Variants in INTS2 observed in about 807,000 individuals in gnomAD.
The protein encoded by INTS2 is integrator complex subunit 2, also known as KIAA1287.
INTS2 carries 57 observed loss-of-function variants against 139.6 expected under a neutral mutation model. The observed-to-expected ratio is 0.41, with a 90% CI of 0.33 to 0.51. INTS2 has a LOEUF of 0.51. Among genes scored for constraint, INTS2 ranks in the 20% least tolerant of loss-of-function variants. The pLI, the probability that INTS2 is intolerant of heterozygous loss-of-function variation, is 0.28. For synonymous variants in INTS2, 473 were observed against 493.4 expected (o/e 0.96, Z 0.55); for missense variants, 1,196 against 1,436.7 (o/e 0.83, Z 2.71).
At position 61,869,317 on chromosome 17, in the gene INTS2, C is replaced by A; in HGVS notation, c.3094G>T (p.Asp1032Tyr). Residue 1032 changes from aspartate (D) to tyrosine (Y), a missense_variant, in exon 22 of 25, where the codon GAT becomes TAT. Asp to Tyr is a radical substitution (Grantham distance 160). This residue lies in a region of INTS2 where 1,129 missense variants were observed against 1,341.9 expected (regional missense o/e 0.84). Coordinates refer to ENST00000251334, the MANE Select transcript of INTS2 (RefSeq NM_001351695.2). This position sits in a 1 kb window ranked among gnomAD's most constrained non-coding sequence, Gnocchi z 5.4. ...AGIPSMHICL[D>Y]FIPELIAQPE... ...TGTGCAATAAGCTCAGGTATGAAATCTAGACAGATGTGCATAGATGGAATA... is the reference window on the plus strand; with the variant it reads ...TGTGCAATAAGCTCAGGTATGAAATATAGACAGATGTGCATAGATGGAATA... 6.2e-7 allele frequency: 1 copy of A among 1,607,458 alleles called. No homozygotes were observed. Among genetic ancestry groups the A allele is most frequent in the East Asian group, 2.2e-5 (1 of 44,670 alleles).
rs2079118179 is a variant in INTS2, at chr17:61,875,265, T to C, written c.2457-227A>G. On this transcript the variant is annotated intron_variant, in intron 18 of 24. Transcript: ENST00000251334. The surrounding 1 kb of genome is among the most constrained non-coding windows in gnomAD (Gnocchi z 4.6). ...AAAGTAGTTTCAGAAACGTTCACAG[T>C]TGTAATGGAATAATCATGGCATATA... 6.6e-6 allele frequency among the ~76,000 whole-genome samples: 1 copy of C among 152,188 alleles called. No homozygotes were observed.
In INTS2 at chr17:61,904,589, A is replaced by G; in HGVS notation, c.1182-4T>C. 6.2e-7 allele frequency: 1 copy of G among 1,607,632 alleles called. No homozygotes were observed. Among genetic ancestry groups the G allele is most frequent in the Non-Finnish European group, 8.5e-7 (1 of 1,177,536 alleles). ...CTCAGCTTCTTCTTCAGTTGGTCTA[A>G]AAAGGAATACATCATTAGGCTTTAC... On this transcript the variant is annotated splice_region_variant and splice_polypyrimidine_tract_variant and intron_variant, in intron 8 of 24. Coordinates refer to ENST00000251334, the MANE Select transcript of INTS2 (RefSeq NM_001351695.2).
At chr17:61,902,561 C>G (rs996631472) in intron 9 of INTS2, among the ~76,000 whole-genome samples, 5 of 151,996 alleles carry the variant, frequency 3.3e-5, no homozygotes, top group African/African-American at 1.2e-4. Context: ...AGAACCTGTT[C>G]AGCACTCTAA....
intron 5 of INTS2, among the ~76,000 whole-genome samples, chr17:61,914,092 C>T (rs962549215): frequency 6.6e-6 from 1 of 150,994 alleles, no homozygotes; most frequent in Middle Eastern, 3.4e-3. Flanking sequence ...ACAGAGACTG[C>T]CACTAGATTA....
chr17:61,889,444 CAA>C (rs1344271994), intron 15 of INTS2, among the ~76,000 whole-genome samples: 5 of 152,074 alleles, frequency 3.3e-5, no homozygotes, highest in African/African-American at 9.7e-5. Context: ...GAAGACCGGT[CAA>C]AGACTCAACT....
intron 17 of INTS2, among the ~76,000 whole-genome samples, chr17:61,878,401 T>C (rs2079145102): frequency 6.6e-6 from 1 of 151,538 alleles, no homozygotes; most frequent in Non-Finnish European, 1.5e-5. Context: ...CTCTCTCTAC[T>C]AAAAATACAA....
chr17:61,874,209 C>T (rs2079110193), intron 19 of INTS2: 1 of 152,158 alleles, frequency 6.6e-6, no homozygotes, highest in Non-Finnish European at 1.5e-5. Context: ...AAACATTACC[C>T]ATGTCCCATC....
intron 17 of INTS2, among the ~76,000 whole-genome samples, chr17:61,879,021 AT>A (rs984925617): frequency 1.5e-5 from 1 of 66,380 alleles, no homozygotes; most frequent in African/African-American, 5.6e-5. Flanking sequence ...TTTTTAATTT[AT>A]TTTTTTTCAT....
chr17:61,875,130 A>G lies in INTS2; in HGVS notation c.2457-92T>C. 1.1e-6 allele frequency: 1 copy of G among 911,646 alleles called. No homozygotes were observed. The highest frequency in any genetic ancestry group is 1.5e-6 in the Non-Finnish European group (1 of 656,550). The allele number at this position is 911,646 out of a possible 1,614,324, so 56.5% of individuals were successfully genotyped here. ...CTTTCTATCTTAGAAAGTTATATTC[A>G]GTAAATAATTAGAAAATACATATGA... On this transcript the variant is annotated intron_variant, in intron 18 of 24. Coordinates refer to ENST00000251334, the MANE Select transcript of INTS2 (RefSeq NM_001351695.2). The surrounding 1 kb of genome is among the most constrained non-coding windows in gnomAD (Gnocchi z 4.6).
chr17:61,872,232 T>C lies in INTS2; in HGVS notation c.2778+33A>G. 1 of 1,553,924 alleles carries C rather than the reference T, an allele frequency of 6.4e-7. No individual in the cohort carries two copies. The highest frequency in any genetic ancestry group is 8.8e-7 in the Non-Finnish European group (1 of 1,132,070). On this transcript the variant is annotated intron_variant, in intron 20 of 24. Coordinates refer to ENST00000251334, the MANE Select transcript of INTS2 (RefSeq NM_001351695.2). The surrounding 1 kb of genome is among the most constrained non-coding windows in gnomAD (Gnocchi z 4.8). ...TATACTAGTAGAGAAGCCCTTGCTCTTTTTGACTAAATTTTACTTTAGCAA... is the reference window on the plus strand; with the variant it reads ...TATACTAGTAGAGAAGCCCTTGCTCCTTTTGACTAAATTTTACTTTAGCAA...
intron 5 of INTS2, among the ~76,000 whole-genome samples, chr17:61,917,009 T>C (rs2079589651): frequency 6.6e-6 from 1 of 152,012 alleles, no homozygotes; most frequent in Non-Finnish European, 1.5e-5. Flanking sequence ...AAAGAAGACA[T>C]ATAAGCAACC....
In INTS2 at chr17:61,885,714, G is replaced by A. The variant is rs1160680473; in HGVS notation, c.1985-709C>T. ...TGGGATTACAGGCGTGAGTCACTGG[G>A]CCCGGCCAATTTTTTTTTTTTTTTT... On this transcript the variant is annotated intron_variant, in intron 15 of 24. Transcript: ENST00000251334. Among the ~76,000 whole-genome samples the A allele has an allele frequency of 3.4e-5, 5 of 149,152 alleles. No homozygotes were observed. The East Asian group carries it at 1.0e-3, about 30-fold the overall frequency.
chr17:61,906,830 C>CAA (rs60672452), intron 8 of INTS2, among the ~76,000 whole-genome samples: 1 of 101,922 alleles, frequency 9.8e-6, no homozygotes, highest in Non-Finnish European at 2.1e-5. Flanking sequence ...ACTAAAAATA[C>CAA]AAAAAAAAAA....
Position 61,876,534 on chromosome 17 carries a change from G to A in INTS2, c.2456+1353C>T, listed in dbSNP as rs186294400. On this transcript the variant is annotated intron_variant, in intron 18 of 24. Coordinates refer to ENST00000251334, the MANE Select transcript of INTS2 (RefSeq NM_001351695.2). The surrounding 1 kb of genome is among the most constrained non-coding windows in gnomAD (Gnocchi z 4.1). ...CCTCACTGAAGCCTCCATCTCCTGG[G>A]CTCAAGCGATCGTCCTGCCTCAGCC... Among the ~76,000 whole-genome samples the A allele has an allele frequency of 6.6e-6, 1 of 152,118 alleles. No homozygotes were observed. The highest frequency in any genetic ancestry group is 1.9e-4 in the East Asian group (1 of 5,174).
Position 61,884,934 on chromosome 17 carries a change from G to A in INTS2, c.2056C>T (p.Arg686Ter), listed in dbSNP as rs368245489. The A allele has an allele frequency of 1.2e-6, 2 of 1,608,186 alleles. No individual in the cohort carries two copies. The highest frequency in any genetic ancestry group is 1.7e-6 in the Non-Finnish European group (2 of 1,177,084). ...TCCTGCTGCAGCCCTTGAGCCTGTC[G>A]AATAAGGAATTTGATAGGAATCTGA... ...MDQIPIKFLI[R>*]QAQGLQQELG... The change falls in exon 16 of 25, where the codon CGA (arginine) becomes TGA (stop). Residue 686 changes from arginine to a stop codon, truncating the protein, a stop_gained. Transcript: ENST00000251334. LOFTEE classifies it high-confidence loss of function.
At chr17:61,898,495 T>G (rs1205272210) in intron 9 of INTS2, among the ~76,000 whole-genome samples, 8 of 152,114 alleles carry the variant, frequency 5.3e-5, no homozygotes, top group Admixed American at 5.2e-4. Context: ...GAGGTCTCAC[T>G]ATGTTGCCCA....
chr17:61,921,557 ATAATT>A (rs1211859744), intron 4 of INTS2, among the ~76,000 whole-genome samples, 163 bp downstream of exon 4: 2 of 152,362 alleles, frequency 1.3e-5, no homozygotes, highest in East Asian at 3.9e-4. Flanking sequence ...TGAAAATAAT[ATAATT>A]TACTTAATCA....
intron 8 of INTS2, among the ~76,000 whole-genome samples, chr17:61,904,921 A>C (rs2079445356): frequency 6.6e-6 from 1 of 151,926 alleles, no homozygotes; most frequent in African/African-American, 2.4e-5. Flanking sequence ...CAAAACATTA[A>C]AAACTCTGTT....
Position 61,921,759 on chromosome 17 carries a change from C to T in INTS2, c.501G>A (p.Glu167=). 1.2e-6 allele frequency: 2 copies of T among 1,605,298 alleles called. No homozygotes were observed. The highest frequency in any genetic ancestry group is 1.7e-6 in the Non-Finnish European group (2 of 1,175,172). Residue 167 remains glutamate (E), a synonymous_variant, in exon 4 of 25, where the codon GAG becomes GAA. Coordinates refer to ENST00000251334, the MANE Select transcript of INTS2 (RefSeq NM_001351695.2). ...SELFESPVYL[E]EAADVLCILQ... ...AAATACAAAGTACATCTGCAGCTTC[C>T]TCCAAATATACTGGACTCTCAAAAA...
Sources: allele counts gnomAD v4.1 joint callset (sites outside exome capture counted in the v4.1 genomes callset), GRCh38; gene constraint gnomAD v4.1.1; regional missense constraint gnomAD v4.1.1; non-coding constraint Gnocchi (gnomAD v3.1); transcripts MANE v1.5; gene names NCBI Gene and HGNC (gene_info 2026-07-23, HGNC 2026-07-21).